The following DCLK1 variants were observed in gnomAD, a reference collection of about 807,000 sequenced individuals.
DCLK1 encodes serine/threonine-protein kinase DCLK1.
DCLK1 carries 16 observed loss-of-function variants against 86.2 expected under a neutral mutation model. That is an observed-to-expected ratio of 0.19 (90% CI 0.13 to 0.28). The LOEUF (loss-of-function observed/expected upper bound fraction) is 0.28, where lower values mean the gene tolerates loss of function less well. Among genes scored for constraint, DCLK1 ranks in the 10% least tolerant of loss-of-function variants. The pLI is 1.00. For missense variants in DCLK1, 590 were observed against 940.2 expected (o/e 0.63, Z 4.87); for synonymous variants, 369 against 370.5 (o/e 1.00, Z 0.05).
chr13:36,108,652 C>T lies in DCLK1; in HGVS notation c.723+3217G>A, dbSNP rs141489812. Reference sequence around the variant, plus strand: ...GCTGCCCCAAGGCAATCTACAAAACCATCTTCCTCTCTACGCATTTACTCA... The same window carrying T: ...GCTGCCCCAAGGCAATCTACAAAACTATCTTCCTCTCTACGCATTTACTCA... On this transcript the variant is annotated intron_variant, in intron 3 of 16. Transcript: ENST00000360631. 3.6e-3 allele frequency among the ~76,000 whole-genome samples: 555 copies of T among 152,328 alleles called. 3 individuals are homozygous for T. The highest frequency in any genetic ancestry group is 0.014 in the Middle Eastern group (4 of 294).
chr13:36,085,409 G>GA (rs1475345336), intron 3 of DCLK1, among the ~76,000 whole-genome samples: 4 of 151,814 alleles, frequency 2.6e-5, no homozygotes, highest in African/African-American at 9.7e-5. Context: ...TTAGAATTAT[G>GA]AAAAAAGCTA....
chr13:35,994,488 C>T lies in DCLK1; in HGVS notation c.724-47031G>A, dbSNP rs1880387288. ...ACATCCTTGCATCAGGTCTCAAGAACACAAACTCAAAGCTAATATAAGATA... is the reference window on the plus strand; with the variant it reads ...ACATCCTTGCATCAGGTCTCAAGAATACAAACTCAAAGCTAATATAAGATA... On this transcript the variant is annotated intron_variant, in intron 3 of 16. Coordinates refer to ENST00000360631, the MANE Select transcript of DCLK1 (RefSeq NM_001330071.2). Among the ~76,000 whole-genome samples the T allele has an allele frequency of 2.0e-5, 3 of 152,134 alleles. No individual in the cohort carries two copies. The South Asian group carries it at 6.2e-4, about 32-fold the overall frequency.
At chr13:35,903,752 A>G (rs1874522222) in intron 4 of DCLK1, among the ~76,000 whole-genome samples, 1 of 152,208 alleles carries the variant, frequency 6.6e-6, no homozygotes, top group Non-Finnish European at 1.5e-5. Flanking sequence ...AAAAATTCAA[A>G]TATGCTTTAC....
At chr13:35,823,767 T>C (rs2087453459) in intron 10 of DCLK1, among the ~76,000 whole-genome samples, 2 of 152,300 alleles carry the variant, frequency 1.3e-5, no homozygotes, top group Admixed American at 6.5e-5. Flanking sequence ...ATCTGTTACC[T>C]AATGCGCTAA....
At chr13:36,029,225 C>T (rs1234174525) in intron 3 of DCLK1, among the ~76,000 whole-genome samples, 1 of 152,188 alleles carries the variant, frequency 6.6e-6, no homozygotes, top group African/African-American at 2.4e-5. Context: ...GCTCAGGAAT[C>T]ACTTCCCTGA....
intron 4 of DCLK1, among the ~76,000 whole-genome samples, chr13:35,942,328 A>G (rs1264532199): frequency 2.0e-5 from 3 of 152,010 alleles, no homozygotes; most frequent in Admixed American, 2.0e-4. Flanking sequence ...CACCACACCC[A>G]GCTAATTTTT....
At chr13:35,840,811 C>T (rs1869739885) in intron 6 of DCLK1, among the ~76,000 whole-genome samples, 1 of 152,210 alleles carries the variant, frequency 6.6e-6, no homozygotes, top group Non-Finnish European at 1.5e-5. Flanking sequence ...TTCTAAGCCA[C>T]CCTCTGCTGA....
chr13:35,846,836 G>A (rs1180723478), intron 6 of DCLK1: 5 of 981,876 alleles, frequency 5.1e-6, no homozygotes, highest in Non-Finnish European at 6.0e-6. Flanking sequence ...ATATATTTAT[G>A]TAGATATATA....
intron 2 of DCLK1, among the ~76,000 whole-genome samples, chr13:36,120,839 T>C (rs1443875676): frequency 6.6e-6 from 1 of 152,154 alleles, no homozygotes; most frequent in Non-Finnish European, 1.5e-5. Context: ...AATGGGTTAG[T>C]TAATGGGAAA....
intron 4 of DCLK1, among the ~76,000 whole-genome samples, chr13:35,928,862 A>C (rs977769362): frequency 3.3e-5 from 5 of 152,166 alleles, no homozygotes; most frequent in Non-Finnish European, 5.9e-5. Context: ...GCTAATTTTC[A>C]TATTTGGGAA....
At chr13:35,874,073 A>G (rs925101696) in intron 4 of DCLK1, among the ~76,000 whole-genome samples, 12 of 152,088 alleles carry the variant, frequency 7.9e-5, no homozygotes, top group Non-Finnish European at 1.3e-4. Context: ...TAACTTTTCC[A>G]TTATATATTT....
At position 35,839,009 on chromosome 13, in the gene DCLK1, C is replaced by T. The variant is rs768782258; in HGVS notation, c.1120+83G>A. On this transcript the variant is annotated intron_variant, in intron 7 of 16. Transcript: ENST00000360631. ...CTGCTCAGCCTTGTCCATGTCATTC[C>T]GCTTGAGAAGCCACAGTTTCTTGGA... 102 of 1,306,314 alleles carry T rather than the reference C, an allele frequency of 7.8e-5. 1 individual carries two copies. The highest frequency in any genetic ancestry group is 1.2e-4 in the Admixed American group (6 of 49,836). The allele number at this position is 1,306,314 out of a possible 1,614,324, so 80.9% of individuals were successfully genotyped here. A position where few individuals can be genotyped will look rare whatever the true frequency, so the allele number is the denominator to read the frequency against.
At chr13:35,957,176 A>G (rs896286287) in intron 3 of DCLK1, among the ~76,000 whole-genome samples, 2 of 151,992 alleles carry the variant, frequency 1.3e-5, no homozygotes, top group African/African-American at 4.8e-5. Flanking sequence ...AGAGTCACTA[A>G]TCAGCTAGTG....
Position 35,809,172 on chromosome 13 carries a change from T to G in DCLK1, c.1689-77A>C. The G allele has an allele frequency of 2.4e-6, 3 of 1,224,958 alleles. No homozygotes were observed. The Admixed American group carries it at 6.5e-5, about 26-fold the overall frequency. 75.9% of individuals were successfully genotyped at this position (1,224,958 alleles called of 1,614,324 possible). Reference sequence around the variant, plus strand: ...TGCAGCTTGGTAAAATCAATGACTTTCCTCCTCCAAGCCAAAAATAAAACC... The same window carrying G: ...TGCAGCTTGGTAAAATCAATGACTTGCCTCCTCCAAGCCAAAAATAAAACC... On this transcript the variant is annotated intron_variant, in intron 12 of 16. Transcript: ENST00000360631.
intron 4 of DCLK1, among the ~76,000 whole-genome samples, chr13:35,890,327 G>A (rs1013773545): frequency 3.3e-5 from 5 of 152,018 alleles, no homozygotes; most frequent in Non-Finnish European, 5.9e-5. Flanking sequence ...TATAAAAATG[G>A]GATACAAAAC....
chr13:36,076,691 G>C (rs1426704656), intron 3 of DCLK1, among the ~76,000 whole-genome samples: 1 of 152,154 alleles, frequency 6.6e-6, no homozygotes, highest in Non-Finnish European at 1.5e-5. Context: ...TGCCGTTCCT[G>C]ATGCCAGGGA....
chr13:35,931,906 T>C (rs2153129119), intron 4 of DCLK1, among the ~76,000 whole-genome samples: 1 of 152,288 alleles, frequency 6.6e-6, no homozygotes, highest in East Asian at 1.9e-4. Context: ...TACAATAAAG[T>C]AAGATAAAGT....
chr13:35,776,638 T>G (rs948259911), intron 16 of DCLK1, among the ~76,000 whole-genome samples: 1 of 152,200 alleles, frequency 6.6e-6, no homozygotes, highest in Admixed American at 6.5e-5. Flanking sequence ...TGCAAATGCT[T>G]TCTAAACAGC....
chr13:35,999,278 A>G (rs931328310), intron 3 of DCLK1, among the ~76,000 whole-genome samples: 3 of 151,942 alleles, frequency 2.0e-5, no homozygotes, highest in South Asian at 4.2e-4. Flanking sequence ...AAATTCCCAA[A>G]TAAGTTTCTG....
Sources: allele counts gnomAD v4.1 joint callset (sites outside exome capture counted in the v4.1 genomes callset), GRCh38; gene constraint gnomAD v4.1.1; transcripts MANE v1.5; gene names NCBI Gene and HGNC (gene_info 2026-07-23, HGNC 2026-07-21).